The following CATSPERE variants were observed in gnomAD, a reference collection of about 807,000 sequenced individuals.
CATSPERE encodes the protein catsper channel auxiliary subunit epsilon.
CATSPERE carries 93 observed loss-of-function variants against 114.1 expected under a neutral mutation model. That is an observed-to-expected ratio of 0.81 (90% CI 0.69 to 0.97). The LOEUF is 0.97. Ranked by LOEUF, CATSPERE falls within the 50% of genes least tolerant of loss-of-function variation. The pLI, the probability that CATSPERE is intolerant of heterozygous loss-of-function variation, is 0.00. For synonymous variants in CATSPERE, 341 were observed against 384.1 expected, an observed-to-expected ratio of 0.89 and a Z score of 1.31; for missense variants, 1,058 against 1,131.6, an observed-to-expected ratio of 0.93 and a Z score of 0.93.
At chr1:244,597,550 T>TTC (rs1553377459) in intron 17 of CATSPERE, among the ~76,000 whole-genome samples, 2 of 150,430 alleles carry the variant, frequency 1.3e-5, no homozygotes, top group Non-Finnish European at 3.0e-5. Context: ...TTTTTTTTTT[T>TTC]CATGATCTGG....
At chr1:244,460,522 A>G (rs1666591176), upstream of CATSPERE, among the ~76,000 whole-genome samples, 1 of 152,232 alleles carries the variant, frequency 6.6e-6, no homozygotes, top group Admixed American at 6.5e-5. Context: ...TTATCCTTAA[A>G]AACTGTGCTC....
At chr1:244,566,999 A>G (rs914268472) in intron 10 of CATSPERE, among the ~76,000 whole-genome samples, 1 of 151,934 alleles carries the variant, frequency 6.6e-6, no homozygotes, top group Non-Finnish European at 1.5e-5. Context: ...TTTCCTTTGC[A>G]TATTTAGTGC....
At position 244,566,652 on chromosome 1, in the gene CATSPERE, C is replaced by CT. The variant is rs59466928; in HGVS notation, c.1507+5542dup. ...TCAGAGACTAGGATTGCAACCCCTG[C>CT]TTTTTTTTTTTTTTTTTTTTTTTTT... On this transcript the variant is annotated intron_variant, in intron 10 of 21. Coordinates refer to ENST00000366534, the MANE Select transcript of CATSPERE (RefSeq NM_001130957.2). Among the ~76,000 whole-genome samples the CT allele has an allele frequency of 7.0e-3, 341 of 48,840 alleles. 25 individuals are homozygous for CT. The highest frequency in any genetic ancestry group is 0.017 in the Non-Finnish European group (236 of 14,156). The allele number at this position is 48,840 out of a possible 152,430, so 32.0% of individuals were successfully genotyped here.
rs143425891 is a variant in CATSPERE, at chr1:244,607,212, A to T, written c.2403+1418A>T. 2.5e-3 allele frequency among the ~76,000 whole-genome samples: 377 copies of T among 152,228 alleles called. 5 individuals carry two copies. The highest frequency in any genetic ancestry group is 0.014 in the East Asian group (71 of 5,184). ...CTCACCCCATATACTTAAGGGTGAG[A>T]TTTGGGGTTGATGTTCTCCCTCATC... is the stretch of plus-strand genomic sequence containing the variant. On this transcript the variant is annotated intron_variant, in intron 18 of 21. Coordinates refer to ENST00000366534, the MANE Select transcript of CATSPERE (RefSeq NM_001130957.2). This position sits in a 1 kb window ranked among gnomAD's most constrained non-coding sequence, Gnocchi z 4.4.
At chr1:244,479,997 G>A (rs1190342427) in intron 5 of CATSPERE, among the ~76,000 whole-genome samples, 1 of 152,160 alleles carries the variant, frequency 6.6e-6, no homozygotes, top group African/African-American at 2.4e-5. Context: ...GTGTCTACAT[G>A]TTTGTGCTTT....
chr1:244,502,340 A>G (rs1228732421), intron 7 of CATSPERE, among the ~76,000 whole-genome samples: 5 of 152,090 alleles, frequency 3.3e-5, no homozygotes, highest in Admixed American at 1.3e-4. Context: ...AACCAGACTT[A>G]TATTTTTAAT....
chr1:244,482,461 G>C (rs912445399), intron 5 of CATSPERE, among the ~76,000 whole-genome samples: 1 of 152,008 alleles, frequency 6.6e-6, no homozygotes, highest in Admixed American at 6.6e-5. Flanking sequence ...AAGTTGTCAG[G>C]CATGATGACT....
At position 244,568,864 on chromosome 1, in the gene CATSPERE, TG is replaced by T. The variant is rs1026688571; in HGVS notation, c.1508-3464del. Among the ~76,000 whole-genome samples, 2 of 152,086 alleles carry T rather than the reference TG, an allele frequency of 1.3e-5. No homozygotes were observed. Among genetic ancestry groups the T allele is most frequent in the African/African-American group, 4.8e-5 (2 of 41,412 alleles). ...AGCGGAGTGAATCGTTCTCTCTCACTGGTGTTCCTGGCACCACTGGGGTATG... is the reference window on the plus strand; with the variant it reads ...AGCGGAGTGAATCGTTCTCTCTCACTGTGTTCCTGGCACCACTGGGGTATG... On this transcript the variant is annotated intron_variant, in intron 10 of 21. Coordinates refer to ENST00000366534, the MANE Select transcript of CATSPERE (RefSeq NM_001130957.2). The surrounding 1 kb of genome is among the most constrained non-coding windows in gnomAD (Gnocchi z 4.4).
rs190213430 is a variant in CATSPERE at position 244,489,050 on chromosome 1, A to G, written c.327-1397A>G. 8.1e-4 allele frequency among the ~76,000 whole-genome samples: 124 copies of G among 152,360 alleles called. 1 individual carries two copies. Among genetic ancestry groups the G allele is most frequent in the Admixed American group, 3.1e-3 (47 of 15,300 alleles). Reference sequence around the variant, plus strand: ...CTTTTAGAGATGATAAATGCTAAAAATATGCAGGTAACTTTACAGTGAAAA... The same window carrying G: ...CTTTTAGAGATGATAAATGCTAAAAGTATGCAGGTAACTTTACAGTGAAAA... On this transcript the variant is annotated intron_variant, in intron 5 of 21. Transcript: ENST00000366534.
chr1:244,560,820 T>TGA lies in CATSPERE; in HGVS notation c.1184_1185dup (p.Tyr396SerfsTer13). On this transcript the variant is annotated frameshift_variant, in exon 10 of 22. Transcript: ENST00000366534. LOFTEE classifies it high-confidence loss of function. ...CTGCTACTCTGACCATAGACAGGGT[T>TGA]GAGTATACAGGACACCCTCTGGAGA... The TGA allele has an allele frequency of 6.2e-7, 1 of 1,614,066 alleles. No individual in the cohort carries two copies. Among genetic ancestry groups the TGA allele is most frequent in the Non-Finnish European group, 8.5e-7 (1 of 1,179,966 alleles).
chr1:244,639,864 T>C, intron 21 of CATSPERE, 64 bp from the exon 22 acceptor site: 1 of 1,451,856 alleles, frequency 6.9e-7, no homozygotes. Context: ...AGTGTTTAAA[T>C]AAATTAACAG....
upstream of CATSPERE, among the ~76,000 whole-genome samples, chr1:244,453,830 G>C (rs549309988): frequency 3.9e-5 from 6 of 152,218 alleles, no homozygotes; most frequent in African/African-American, 1.4e-4. Context: ...TGGTTCTGTA[G>C]CCCTATGGTG....
chr1:244,560,408 TG>T (rs1050975641), intron 9 of CATSPERE, among the ~76,000 whole-genome samples: 1 of 11,212 alleles, frequency 8.9e-5, no homozygotes, highest in Non-Finnish European at 1.8e-4. Flanking sequence ...TGGGCGGGGG[TG>T]GGGGGGCAGG....
At chr1:244,505,942 G>A (rs1460589817) in intron 7 of CATSPERE, among the ~76,000 whole-genome samples, 1 of 152,084 alleles carries the variant, frequency 6.6e-6, no homozygotes, top group Non-Finnish European at 1.5e-5. Context: ...GGAGGCGGAG[G>A]TTGCAGTAAA....
intron 8 of CATSPERE, among the ~76,000 whole-genome samples, chr1:244,550,390 G>C (rs537234843): frequency 6.6e-6 from 1 of 152,144 alleles, no homozygotes; most frequent in African/African-American, 2.4e-5. Flanking sequence ...TTTCTGAAAA[G>C]CGTATAGTCA....
intron 1 of CATSPERE, among the ~76,000 whole-genome samples, chr1:244,455,213 GTTTT>G (rs1313596975): frequency 6.6e-6 from 1 of 152,078 alleles, no homozygotes; most frequent in Non-Finnish European, 1.5e-5. Flanking sequence ...TTCCCTTCTG[GTTTT>G]TTATTTCTGT....
intron 11 of CATSPERE, among the ~76,000 whole-genome samples, chr1:244,576,037 C>T (rs745311480): frequency 9.2e-5 from 14 of 152,114 alleles, no homozygotes; most frequent in Non-Finnish European, 1.5e-4. Flanking sequence ...TTTTACCACC[C>T]TGCGGCTTTC....
At chr1:244,578,817 C>CGTATACAT (rs2148600522) in intron 11 of CATSPERE, among the ~76,000 whole-genome samples, 1 of 32,764 alleles carries the variant, frequency 3.1e-5, no homozygotes, top group Non-Finnish European at 7.0e-5. Context: ...TATATAGGTG[C>CGTATACAT]ATATACATAT....
intron 13 of CATSPERE, among the ~76,000 whole-genome samples, chr1:244,586,212 C>T (rs1311756398): frequency 6.6e-6 from 1 of 152,198 alleles, no homozygotes; most frequent in East Asian, 1.9e-4. Context: ...GCTCCCCACA[C>T]TATACCTGCA....
Sources: allele counts gnomAD v4.1 joint callset (sites outside exome capture counted in the v4.1 genomes callset), GRCh38; gene constraint gnomAD v4.1.1; non-coding constraint Gnocchi (gnomAD v3.1); transcripts MANE v1.5; gene names NCBI Gene and HGNC (gene_info 2026-07-23, HGNC 2026-07-21).